GTPBP3: variants seen among roughly 807,000 people sequenced by gnomAD.
The protein encoded by GTPBP3 is GTP binding protein 3, mitochondrial.
In GTPBP3, 35 loss-of-function variants were observed where a neutral mutation model predicts 42.0. The observed-to-expected ratio is 0.83, with a 90% CI of 0.64 to 1.10. GTPBP3 has a LOEUF of 1.10. GTPBP3 is among the 50% of genes least tolerant of loss of function. The probability of loss-of-function intolerance (pLI) is 0.00; values close to 1 mark genes in which losing one functional copy is unlikely to be tolerated. For missense variants in GTPBP3, 691 were observed against 685.2 expected, an observed-to-expected ratio of 1.01 and a Z score of -0.09; for synonymous variants, 332 against 314.9, an observed-to-expected ratio of 1.05 and a Z score of -0.58.
chr19:17,335,170 G>A, upstream of GTPBP3: 3 of 1,534,142 alleles, frequency 2.0e-6, no homozygotes, highest in Non-Finnish European at 1.7e-6. Context: ...GGTTGGGGAA[G>A]ATTCCTGGTG....
chr19:17,340,910 A>C, intron 7 of GTPBP3, 134 bp from the exon 8 acceptor site: 2 of 842,142 alleles, frequency 2.4e-6, no homozygotes, highest in Non-Finnish European at 3.4e-6. Context: ...GTCCCCTGGT[A>C]CTCTACTCCT....
rs3745194 is a variant in GTPBP3, at chr19:17,341,415, C to A, written c.1254-63C>A. 0.082 allele frequency: 129,318 copies of A among 1,568,468 alleles called. 7,100 individuals are homozygous for A. The highest frequency in any genetic ancestry group is 0.26 in the African/African-American group (19,284 of 73,734). ...TCTGAACCTACAAAATGGGTACAAC[C>A]ATTTCCCCTTCAAGGGATGGTTGTA... On this transcript the variant is annotated intron_variant, in intron 8 of 8. Coordinates refer to ENST00000324894, the MANE Select transcript of GTPBP3 (RefSeq NM_032620.4).
At position 17,341,643 on chromosome 19, in the gene GTPBP3, T is replaced by G. The variant is rs1599563540; in HGVS notation, c.1419T>G (p.Gly473=). The change falls in exon 9 of 9, where the codon GGT becomes GGG. Residue 473 remains glycine, a synonymous_variant. Transcript: ENST00000324894. ...GGGGTCACCTGACCCGGCTCACAGG[T>G]GGAGGGGGTACCGAGGAGATCCTGG... The part of the protein sequence containing the change: ...VARGHLTRLT[G]GGGTEEILDI... 1 of 1,612,310 alleles carries G rather than the reference T, an allele frequency of 6.2e-7. No individual in the cohort carries two copies. The highest frequency in any genetic ancestry group is 1.1e-5 in the South Asian group (1 of 90,996).
At chr19:17,336,440 G>A (rs1015145394), upstream of GTPBP3, among the ~76,000 whole-genome samples, 1 of 145,418 alleles carries the variant, frequency 6.9e-6, no homozygotes, top group African/African-American at 2.6e-5. Context: ...AAAGTTGGAG[G>A]TTGCAAGAGC....
Position 17,342,205 on chromosome 19 carries a change from G to A in GTPBP3, c.*502G>A, listed in dbSNP as rs7508138. On this transcript the variant is annotated 3_prime_UTR_variant, in exon 9 of 9. Coordinates refer to ENST00000324894, the MANE Select transcript of GTPBP3 (RefSeq NM_032620.4). ...TGCAACCTCCATCTCCGGGGCTCAAGCGCTTCTCCTGCCTCAGCCTCCTGA... is the reference window on the plus strand; with the variant it reads ...TGCAACCTCCATCTCCGGGGCTCAAACGCTTCTCCTGCCTCAGCCTCCTGA... 0.084 allele frequency: 12,715 copies of A among 151,872 alleles called. 645 individuals carry two copies. The highest frequency in any genetic ancestry group is 0.11 in the Non-Finnish European group (7,685 of 68,040). 9.4% of individuals were successfully genotyped at this position (151,872 alleles called of 1,614,324 possible). A position where few individuals can be genotyped will look rare whatever the true frequency, so the allele number is the denominator to read the frequency against.
chr19:17,339,378 C>A lies in GTPBP3; in HGVS notation c.809-56C>A, dbSNP rs997301915. The A allele has an allele frequency of 1.9e-6, 3 of 1,598,904 alleles. No homozygotes were observed. The Admixed American group carries it at 5.1e-5, about 27-fold the overall frequency. ...GCTCCCTCCAGACATGGGGTAGAACCTGGGGGAGGAGCTCCCTTGTCTCCA... is the reference window on the plus strand; with the variant it reads ...GCTCCCTCCAGACATGGGGTAGAACATGGGGGAGGAGCTCCCTTGTCTCCA... On this transcript the variant is annotated intron_variant, in intron 6 of 8. Transcript: ENST00000324894.
chr19:17,341,709 T>C lies in GTPBP3; in HGVS notation c.*6T>C, dbSNP rs200011595. On this transcript the variant is annotated 3_prime_UTR_variant, in exon 9 of 9. Transcript: ENST00000324894. ...ACTTCTGTGTGGGCAAGTGACGGGA[T>C]CCAGGGAAGTCGCACCCAAGCTGCG... 7.6e-4 allele frequency: 1,194 copies of C among 1,561,306 alleles called. 3 individuals are homozygous for C. Among genetic ancestry groups the C allele is most frequent in the Non-Finnish European group, 9.6e-4 (1,106 of 1,148,116 alleles).
At chr19:17,340,855 C>A in intron 7 of GTPBP3, 189 bp from the exon 8 acceptor site, 2 of 452,710 alleles carry the variant, frequency 4.4e-6, no homozygotes, top group Non-Finnish European at 4.0e-6. Flanking sequence ...CCCTCTTGCT[C>A]TGCCCCACCC....
chr19:17,337,675 A>G lies in GTPBP3; in HGVS notation c.53+11A>G. ...ACGTGGGCCTCGCAGGTGGGGCTAC[A>G]GGGGAAGGGGTGCGACAGCTTGGGG... On this transcript the variant is annotated intron_variant, in intron 1 of 8. Coordinates refer to ENST00000324894, the MANE Select transcript of GTPBP3 (RefSeq NM_032620.4). 1 of 1,347,222 alleles carries G rather than the reference A, an allele frequency of 7.4e-7. No homozygotes were observed. The highest frequency in any genetic ancestry group is 2.1e-5 in the South Asian group (1 of 46,594). 83.5% of individuals were successfully genotyped at this position (1,347,222 alleles called of 1,614,324 possible).
rs772683786 is a variant in GTPBP3, at chr19:17,339,632, G to A, written c.974+33G>A. On this transcript the variant is annotated intron_variant, in intron 7 of 8. Transcript: ENST00000324894. ...GACAGGGTGGTGATGGGAGGGGAAC[G>A]CGGGGCCCTTTCTCTGCCTTTTCTC... 5.8e-6 allele frequency: 9 copies of A among 1,557,274 alleles called. No individual in the cohort carries two copies. The African/African-American group carries it at 8.2e-5, about 14-fold the overall frequency.
At chr19:17,339,740 T>A in intron 7 of GTPBP3, 141 bp downstream of exon 7, 174 of 13,828 alleles carry the variant, frequency 0.013, no homozygotes, top group South Asian at 0.029. Flanking sequence ...ATTTGGTTCT[T>A]TTTTTTTTTT....
intron 4 of GTPBP3, 69 bp downstream of exon 4, chr19:17,338,810 T>C (rs1599558990): frequency 6.5e-7 from 1 of 1,540,914 alleles, no homozygotes; most frequent in Admixed American, 1.9e-5. Context: ...TGAGACCCCC[T>C]CTCAATCCCG....
At position 17,338,111 on chromosome 19, in the gene GTPBP3, A is replaced by ACCAGCGGCCCCG. The variant is rs758576361; in HGVS notation, c.167_178dup (p.Pro56_Gly59dup). ...CCGCTGCGGCATCGCAGTGATCCGGACCAGCGGCCCCGCCAGCGGCCACGC... is the reference window on the plus strand; with the variant it reads ...CCGCTGCGGCATCGCAGTGATCCGGACCAGCGGCCCCGCCAGCGGCCCCGCCAGCGGCCACGC... On this transcript the variant is annotated inframe_insertion, in exon 2 of 9. Coordinates refer to ENST00000324894, the MANE Select transcript of GTPBP3 (RefSeq NM_032620.4). 2 of 1,591,046 alleles carry ACCAGCGGCCCCG rather than the reference A, an allele frequency of 1.3e-6. No individual in the cohort carries two copies. Among genetic ancestry groups the ACCAGCGGCCCCG allele is most frequent in the African/African-American group, 2.7e-5 (2 of 74,472 alleles).
chr19:17,339,624 A>G lies in GTPBP3; in HGVS notation c.974+25A>G, dbSNP rs754589540. The G allele has an allele frequency of 6.4e-6, 10 of 1,572,654 alleles. No homozygotes were observed. In the South Asian group the frequency reaches 9.0e-5, roughly 14 times the overall value. ...GGTGGGCGGACAGGGTGGTGATGGG[A>G]GGGGAACGCGGGGCCCTTTCTCTGC... On this transcript the variant is annotated intron_variant, in intron 7 of 8. Coordinates refer to ENST00000324894, the MANE Select transcript of GTPBP3 (RefSeq NM_032620.4).
Position 17,338,228 on chromosome 19 carries a change from G to A in GTPBP3, c.274G>A (p.Asp92Asn), listed in dbSNP as rs1240142083. The A allele has an allele frequency of 1.3e-6, 2 of 1,584,454 alleles. No individual in the cohort carries two copies. Among genetic ancestry groups the A allele is most frequent in the African/African-American group, 2.7e-5 (2 of 74,388 alleles). Residue 92 changes from aspartate (D) to asparagine (N), a missense_variant, in exon 2 of 9, where the codon GAC (aspartate) becomes AAC (asparagine). Transcript: ENST00000324894. ...CGATCCCCGCTCCGGGGAGCCTCTG[G>A]ACCGCGCACTGGTGCTCTGGTTCCC... is the stretch of plus-strand genomic sequence containing the variant. The part of the protein sequence containing the change: ...LSDPRSGEPL[D>N]RALVLWFPGP...
intron 5 of GTPBP3, 48 bp downstream of exon 5, chr19:17,339,074 C>T: frequency 6.2e-7 from 1 of 1,614,174 alleles, no homozygotes; most frequent in Non-Finnish European, 8.5e-7. Flanking sequence ...TATCAGCCCT[C>T]AAAGGCTCCC....
rs1325021928 is a variant in GTPBP3, at chr19:17,339,606, G to A, written c.974+7G>A. 1.3e-6 allele frequency: 2 copies of A among 1,595,064 alleles called. No homozygotes were observed. Among genetic ancestry groups the A allele is most frequent in the African/African-American group, 1.3e-5 (1 of 74,620 alleles). On this transcript the variant is annotated splice_region_variant and intron_variant, in intron 7 of 8. Coordinates refer to ENST00000324894, the MANE Select transcript of GTPBP3 (RefSeq NM_032620.4). ...TGCGGCGCGCCCGGGAGAGGTGGGC[G>A]GACAGGGTGGTGATGGGAGGGGAAC... is the stretch of plus-strand genomic sequence containing the variant.
intron 7 of GTPBP3, among the ~76,000 whole-genome samples, chr19:17,340,129 G>A (rs1282810531): frequency 6.6e-6 from 1 of 151,966 alleles, no homozygotes; most frequent in Non-Finnish European, 1.5e-5. Context: ...CCGCCTCTCG[G>A]GTTCAAGTGA....
upstream of GTPBP3, chr19:17,335,236 C>T (rs2074356838): frequency 1.4e-6 from 2 of 1,441,936 alleles, no homozygotes; most frequent in African/African-American, 1.4e-5. Flanking sequence ...GCAAGCCCTG[C>T]TTAGGAACTT....
Sources: allele counts gnomAD v4.1 joint callset (sites outside exome capture counted in the v4.1 genomes callset), GRCh38; gene constraint gnomAD v4.1.1; transcripts MANE v1.5; gene names NCBI Gene and HGNC (gene_info 2026-07-23, HGNC 2026-07-21).